SEMA5B: variants seen among roughly 807,000 people sequenced by gnomAD.
SEMA5B encodes semaphorin-5B.
Under a neutral mutation model 135.0 loss-of-function variants are expected in SEMA5B, and 66 were observed. The ratio of observed to expected loss-of-function variants is 0.49; its 90% CI spans 0.40 to 0.60. The LOEUF (loss-of-function observed/expected upper bound fraction) is 0.60, where lower values mean the gene tolerates loss of function less well. Ranked by LOEUF, SEMA5B falls within the 20% of genes least tolerant of loss-of-function variation. The probability of loss-of-function intolerance (pLI) is 0.00; values close to 1 mark genes in which losing one functional copy is unlikely to be tolerated. For synonymous variants in SEMA5B, 690 were observed against 639.5 expected, an observed-to-expected ratio of 1.08 and a Z score of -1.19; for missense variants, 1,501 against 1,566.3, an observed-to-expected ratio of 0.96 and a Z score of 0.70.
intron 1 of SEMA5B, chr3:122,992,937 G>A (rs1941922175): frequency 6.6e-6 from 1 of 151,820 alleles, no homozygotes; most frequent in South Asian, 2.1e-4. Context: ...ACAGAAGTCA[G>A]GACTTCAGCC....
At chr3:122,943,009 G>T (rs752117635) in intron 4 of SEMA5B, among the ~76,000 whole-genome samples, 8 of 152,196 alleles carry the variant, frequency 5.3e-5, no homozygotes, top group Non-Finnish European at 1.0e-4. Flanking sequence ...GAGGTCCTTC[G>T]GGAAAGGTTC....
chr3:122,995,290 A>G (rs917191986), intron 1 of SEMA5B, among the ~76,000 whole-genome samples: 9 of 152,216 alleles, frequency 5.9e-5, no homozygotes, highest in African/African-American at 2.2e-4. Context: ...AACAACCATC[A>G]GAATCCCAAA....
intron 14 of SEMA5B, among the ~76,000 whole-genome samples, chr3:122,915,198 G>T (rs1308362855): frequency 6.6e-6 from 1 of 152,184 alleles, no homozygotes; most frequent in Non-Finnish European, 1.5e-5. Context: ...CTCCATGCCT[G>T]CCCAGCATTC....
At chr3:122,978,208 C>A (rs1359615339) in intron 1 of SEMA5B, among the ~76,000 whole-genome samples, 1 of 152,270 alleles carries the variant, frequency 6.6e-6, no homozygotes, top group South Asian at 2.1e-4. Context: ...CCCACCTGGG[C>A]CCCAGGGTGC....
intron 1 of SEMA5B, among the ~76,000 whole-genome samples, chr3:122,965,931 A>G (rs755479270): frequency 2.6e-5 from 4 of 152,206 alleles, no homozygotes; most frequent in Admixed American, 6.5e-5. Context: ...TCTGCCAGAC[A>G]GTGGGAGCTC....
intron 8 of SEMA5B, among the ~76,000 whole-genome samples, chr3:122,927,576 G>A (rs1235409782): frequency 6.6e-6 from 1 of 152,126 alleles, no homozygotes; most frequent in Non-Finnish European, 1.5e-5. Context: ...CCCTCCATCT[G>A]TTCTGTGGCC....
chr3:123,014,370 G>A lies in SEMA5B; in HGVS notation c.-39+13094C>T, dbSNP rs542335159. 1.8e-4 allele frequency among the ~76,000 whole-genome samples: 28 copies of A among 152,368 alleles called. No homozygotes were observed. The East Asian group carries it at 4.6e-3, about 25-fold the overall frequency. ...TCAGGCAAAGCGCATCTCCTCCACT[G>A]ACAGGAGATGTTGGTAGACAAGGGA... On this transcript the variant is annotated intron_variant, in intron 1 of 22. Transcript: ENST00000357599.
chr3:122,948,462 A>T, intron 3 of SEMA5B, 44 bp downstream of exon 3: 4 of 1,533,704 alleles, frequency 2.6e-6, no homozygotes, highest in Non-Finnish European at 3.6e-6. Context: ...GTCCTTCAGG[A>T]CACGGCCATT....
At chr3:122,913,746 G>T in intron 15 of SEMA5B, 65 bp from the exon 16 acceptor site, 1 of 1,592,386 alleles carries the variant, frequency 6.3e-7, no homozygotes, top group Non-Finnish European at 8.6e-7. Flanking sequence ...GAGGTCCCTG[G>T]GAGTGCAAGA....
chr3:122,955,058 T>C (rs189472998), intron 2 of SEMA5B, among the ~76,000 whole-genome samples: 1 of 150,526 alleles, frequency 6.6e-6, no homozygotes, highest in Non-Finnish European at 1.5e-5. Context: ...CACCTCAACC[T>C]CCCAAAATGC....
intron 4 of SEMA5B, among the ~76,000 whole-genome samples, chr3:122,941,075 T>G (rs1939536103): frequency 6.6e-6 from 1 of 152,124 alleles, no homozygotes; most frequent in South Asian, 2.1e-4. Context: ...TAAATCCCTT[T>G]CGGAACAAGG....
rs1271411287 is a variant in SEMA5B at position 122,943,581 on chromosome 3, C to T, written c.329-46G>A. On this transcript the variant is annotated intron_variant, in intron 3 of 22. Coordinates refer to ENST00000357599, the MANE Select transcript of SEMA5B (RefSeq NM_001031702.4). Reference sequence around the variant, plus strand: ...CCTGTGGTTACTGTTGGGCCAGAGGCTCCCAGCTGCATCGCAGCAGACCAC... The same window carrying T: ...CCTGTGGTTACTGTTGGGCCAGAGGTTCCCAGCTGCATCGCAGCAGACCAC... The T allele has an allele frequency of 5.1e-6, 7 of 1,370,402 alleles. No homozygotes were observed. The African/African-American group carries it at 9.9e-5, about 19-fold the overall frequency. 84.9% of individuals were successfully genotyped at this position (1,370,402 alleles called of 1,614,324 possible).
At chr3:122,941,480 T>C (rs573329469) in intron 4 of SEMA5B, among the ~76,000 whole-genome samples, 1 of 152,348 alleles carries the variant, frequency 6.6e-6, no homozygotes, top group Non-Finnish European at 1.5e-5. Flanking sequence ...TGGGGGTACA[T>C]AGAACCCACT....
At chr3:123,001,862 G>A (rs991235888) in intron 1 of SEMA5B, among the ~76,000 whole-genome samples, 3 of 152,156 alleles carry the variant, frequency 2.0e-5, no homozygotes, top group Non-Finnish European at 2.9e-5. Flanking sequence ...AATTCTACAC[G>A]ATAAGGTGCA....
chr3:123,014,325 T>A (rs1255298073), intron 1 of SEMA5B, among the ~76,000 whole-genome samples: 1 of 152,188 alleles, frequency 6.6e-6, no homozygotes, highest in African/African-American at 2.4e-5. Flanking sequence ...AGACAGCGTG[T>A]GTTTGGTAGC....
intron 2 of SEMA5B, among the ~76,000 whole-genome samples, chr3:122,952,365 G>A (rs79725822): frequency 0.017 from 2,665 of 152,292 alleles, 75 homozygotes; most frequent in African/African-American, 0.06. Flanking sequence ...CTGGGGAAGA[G>A]GGATTCAAAG....
At chr3:122,978,068 C>T (rs1047576164) in intron 1 of SEMA5B, among the ~76,000 whole-genome samples, 8 of 152,254 alleles carry the variant, frequency 5.3e-5, no homozygotes, top group Non-Finnish European at 7.3e-5. Flanking sequence ...ACCAGCCAGC[C>T]AGTCCTGCCC....
intron 12 of SEMA5B, 80 bp downstream of exon 12, chr3:122,921,835 G>C (rs1188636342): frequency 1.1e-5 from 14 of 1,245,610 alleles, no homozygotes; most frequent in Non-Finnish European, 1.5e-5. Context: ...ACCGACCCCA[G>C]GTCTCCCGGG....
chr3:122,990,426 GA>G (rs1436569358), intron 1 of SEMA5B, among the ~76,000 whole-genome samples: 1 of 152,178 alleles, frequency 6.6e-6, no homozygotes, highest in Non-Finnish European at 1.5e-5. Context: ...AGAGCCCAAG[GA>G]GAGGGTGTAG....
Sources: gnomAD v4.1 joint callset for allele counts (sites outside exome capture counted in the v4.1 genomes callset) on GRCh38, gnomAD v4.1.1 for gene constraint, MANE v1.5 for transcripts, NCBI Gene and HGNC (gene_info 2026-07-23, HGNC 2026-07-21) for gene names.